CTBP2: variants seen among roughly 807,000 people sequenced by gnomAD.
CTBP2 encodes C-terminal binding protein 2.
Under a neutral mutation model 80.3 loss-of-function variants are expected in CTBP2, and 30 were observed. The observed-to-expected ratio is 0.37, with a 90% CI of 0.28 to 0.51. CTBP2 has a LOEUF of 0.51. Among genes scored for constraint, CTBP2 ranks in the 20% least tolerant of loss-of-function variants. The pLI is 0.93. For synonymous variants in CTBP2, 594 were observed against 587.4 expected, an observed-to-expected ratio of 1.01 and a Z score of -0.16; for missense variants, 1,212 against 1,375.3, an observed-to-expected ratio of 0.88 and a Z score of 1.88.
intron 2 of CTBP2, among the ~76,000 whole-genome samples, chr10:125,051,564 C>T (rs552569793): frequency 6.6e-6 from 1 of 152,032 alleles, no homozygotes; most frequent in South Asian, 2.1e-4. Flanking sequence ...TGCTTGAACC[C>T]AGGGGACAGA....
At chr10:125,144,930 G>T (rs903301116) in intron 1 of CTBP2, among the ~76,000 whole-genome samples, 2 of 152,194 alleles carry the variant, frequency 1.3e-5, no homozygotes, top group East Asian at 3.9e-4. Flanking sequence ...AATGTCAAGT[G>T]CATCTGAATA....
chr10:125,159,169 G>GGGA (rs1180168024), intron 1 of CTBP2, among the ~76,000 whole-genome samples: 2 of 150,558 alleles, frequency 1.3e-5, no homozygotes, highest in Non-Finnish European at 1.5e-5. Flanking sequence ...GCGGAGGGCT[G>GGGA]GGAGGAGGAG....
At chr10:125,070,304 T>C (rs1325216672) in intron 2 of CTBP2, among the ~76,000 whole-genome samples, 1 of 152,098 alleles carries the variant, frequency 6.6e-6, no homozygotes, top group Non-Finnish European at 1.5e-5. Flanking sequence ...TGAGCCGAGA[T>C]CGTGCCACTG....
Position 124,986,364 on chromosome 10 carries a change from T to TA in CTBP2, c.*3153dup, listed in dbSNP as rs1182688959. ...GTGATGAAAAAGGCTGTGAAAACCT[T>TA]AAAGTATTTGCTTGCTTCTTGTTTT... is the stretch of plus-strand genomic sequence containing the variant. On this transcript the variant is annotated 3_prime_UTR_variant, in exon 9 of 9. Transcript: ENST00000309035. 1 of 152,048 alleles carries TA rather than the reference T, an allele frequency of 6.6e-6. No homozygotes were observed. Among genetic ancestry groups the TA allele is most frequent in the Non-Finnish European group, 1.5e-5 (1 of 67,938 alleles). The allele number at this position is 152,048 out of a possible 1,614,324, so 9.4% of individuals were successfully genotyped here. A position where few individuals can be genotyped will look rare whatever the true frequency, so the allele number is the denominator to read the frequency against.
intron 1 of CTBP2, among the ~76,000 whole-genome samples, chr10:125,016,135 G>T (rs3781423): frequency 1.3e-5 from 2 of 151,908 alleles, no homozygotes; most frequent in African/African-American, 2.4e-5. Context: ...GGTGGGTCCC[G>T]ATCAGGCTGA....
intron 2 of CTBP2, 50 bp from the exon 5 acceptor site, chr10:125,003,154 CG>C (rs1565057321): frequency 6.2e-7 from 1 of 1,609,882 alleles, no homozygotes; most frequent in Admixed American, 1.7e-5. Flanking sequence ...TGCAGCCCAC[CG>C]GCACCACTTG....
In CTBP2 at chr10:125,027,289, G is replaced by C. The variant is rs769001595; in HGVS notation, c.471C>G (p.Ala157=). ...GGTACAGGTGACCGGCGTCCTGCAG[G>C]GCAGGTGACCGGCCTTGCATTGGAT... is the stretch of plus-strand genomic sequence containing the variant. Residue 157 remains alanine, a synonymous_variant, in exon 1 of 9, where the codon GCC becomes GCG. Transcript: ENST00000309035. The C allele has an allele frequency of 6.2e-7, 1 of 1,613,780 alleles. No individual in the cohort carries two copies. Among genetic ancestry groups the C allele is most frequent in the Non-Finnish European group, 8.5e-7 (1 of 1,179,976 alleles).
intron 2 of CTBP2, among the ~76,000 whole-genome samples, chr10:125,071,153 C>T (rs2135453146): frequency 6.6e-6 from 1 of 152,240 alleles, no homozygotes; most frequent in East Asian, 1.9e-4. Context: ...TATCTGTGCC[C>T]CACTCACCCA....
At chr10:125,089,260 C>G (rs1848430640) in intron 2 of CTBP2, among the ~76,000 whole-genome samples, 1 of 152,116 alleles carries the variant, frequency 6.6e-6, no homozygotes, top group Admixed American at 6.6e-5. Context: ...ACAAACATTA[C>G]CAATGGGATT....
chr10:125,084,019 G>A (rs186164879), intron 2 of CTBP2, among the ~76,000 whole-genome samples: 27 of 152,320 alleles, frequency 1.8e-4, no homozygotes, highest in African/African-American at 6.0e-4. Context: ...AATCTCAAAT[G>A]ATCTGCCCGC....
At chr10:125,022,477 G>A (rs758966139) in intron 1 of CTBP2, among the ~76,000 whole-genome samples, 96 of 152,182 alleles carry the variant, frequency 6.3e-4, no homozygotes, top group Admixed American at 1.6e-3. Context: ...AAGAACAGCA[G>A]GGGTACAGGT....
In CTBP2 at chr10:125,002,810, G is replaced by A. The variant is rs573416899; in HGVS notation, c.1978+150C>T. ...TCATGTGAAGGCAGGGCCGCAAGGTGCTCCACAGCCCGGCCTGGAGGCAGC... is the reference window on the plus strand; with the variant it reads ...TCATGTGAAGGCAGGGCCGCAAGGTACTCCACAGCCCGGCCTGGAGGCAGC... On this transcript the variant is annotated intron_variant, in intron 3 of 8. Transcript: ENST00000309035. 7.2e-5 allele frequency: 64 copies of A among 887,616 alleles called. No homozygotes were observed. In the South Asian group the frequency reaches 1.0e-3, roughly 14 times the overall value. 55.0% of individuals were successfully genotyped at this position (887,616 alleles called of 1,614,324 possible). A position where few individuals can be genotyped will look rare whatever the true frequency, so the allele number is the denominator to read the frequency against.
At chr10:125,025,077 G>C (rs924280417) in intron 1 of CTBP2, among the ~76,000 whole-genome samples, 22 of 152,202 alleles carry the variant, frequency 1.4e-4, no homozygotes, top group South Asian at 1.0e-3. Context: ...CCCGCCTACA[G>C]CTGCTTCAGG....
intron 1 of CTBP2, among the ~76,000 whole-genome samples, chr10:125,143,093 C>G (rs1005443362): frequency 6.6e-6 from 1 of 152,170 alleles, no homozygotes; most frequent in Non-Finnish European, 1.5e-5. Flanking sequence ...CAGATAAACC[C>G]TCCTTGCTCT....
At chr10:125,001,432 C>T (rs978113818) in intron 3 of CTBP2, 2 of 152,330 alleles carry the variant, frequency 1.3e-5, no homozygotes, top group Non-Finnish European at 2.9e-5. Flanking sequence ...CAAAAATATC[C>T]TTGTTTGTGC....
At position 124,985,616 on chromosome 10, in the gene CTBP2, GCTTA is replaced by G. The variant is rs1952015170; in HGVS notation, c.*3898_*3901del. On this transcript the variant is annotated 3_prime_UTR_variant, in exon 9 of 9. Coordinates refer to ENST00000309035, the MANE Select transcript of CTBP2 (RefSeq NM_022802.3). ...TTAGAGTGAACTAAATACAGACATT[GCTTA>G]CTTGTTTTGAAGAGGGTTTTGGTTT... 1 of 152,324 alleles carries G rather than the reference GCTTA, an allele frequency of 6.6e-6. No homozygotes were observed. The highest frequency in any genetic ancestry group is 1.5e-5 in the Non-Finnish European group (1 of 67,994). The allele number at this position is 152,324 out of a possible 1,614,324, so 9.4% of individuals were successfully genotyped here.
chr10:125,009,584 G>T (rs1448847950), intron 1 of CTBP2, among the ~76,000 whole-genome samples: 1 of 152,200 alleles, frequency 6.6e-6, no homozygotes. Flanking sequence ...ATCCCCACTG[G>T]CTGAGCTCAG....
In CTBP2 at chr10:125,139,645, C is replaced by T. The variant is rs80309316; in HGVS notation, c.-206+20674G>A. On this transcript the variant is annotated intron_variant, in intron 1 of 10. Transcript: ENST00000337195. The stretch of plus-strand genomic sequence containing the variant: ...AAAAGCTACTCACCTGAGCAAGCAC[C>T]GCTGGAGGGGCTCTCAACTCACTTC... Among the ~76,000 whole-genome samples, 155 of 152,224 alleles carry T rather than the reference C, an allele frequency of 1.0e-3. 1 individual carries two copies. The highest frequency in any genetic ancestry group is 3.6e-3 in the African/African-American group (148 of 41,526).
intron 2 of CTBP2, among the ~76,000 whole-genome samples, chr10:125,107,419 G>C (rs1187956394): frequency 1.3e-5 from 2 of 148,654 alleles, no homozygotes; most frequent in Non-Finnish European, 2.9e-5. Context: ...GCCACACACT[G>C]GGACCAGAGT....
Sources: gnomAD v4.1 joint callset for allele counts (sites outside exome capture counted in the v4.1 genomes callset) on GRCh38, gnomAD v4.1.1 for gene constraint, MANE v1.5 for transcripts, NCBI Gene and HGNC (gene_info 2026-07-23, HGNC 2026-07-21) for gene names.